The following PHYHD1 variants were observed in gnomAD, a reference collection of about 807,000 sequenced individuals.
The protein encoded by PHYHD1 is phytanoyl-CoA dioxygenase domain-containing protein 1.
A neutral mutation model predicts 43.6 loss-of-function variants in PHYHD1; 42 were observed. The observed-to-expected ratio is 0.96, with a 90% CI of 0.75 to 1.25. The LOEUF (loss-of-function observed/expected upper bound fraction) is 1.25. Ranked by LOEUF, PHYHD1 falls within the 50% of genes most tolerant of loss-of-function variation. The pLI, the probability that PHYHD1 is intolerant of heterozygous loss-of-function variation, is 0.00. For missense variants in PHYHD1, 342 were observed against 370.8 expected, an observed-to-expected ratio of 0.92 and a Z score of 0.64; for synonymous variants, 139 against 143.6, an observed-to-expected ratio of 0.97 and a Z score of 0.23.
rs745782823 is a variant in PHYHD1, at chr9:128,940,400, C to T, written c.489C>T (p.Tyr163=). 1 of 1,614,208 alleles carries T rather than the reference C, an allele frequency of 6.2e-7. No homozygotes were observed. The highest frequency in any genetic ancestry group is 1.1e-5 in the South Asian group (1 of 91,084). ...CTCATCAGGACGCCTCCTTCCTGTACACGGAGCCCCTGGGCCGGGTGCTGG... is the reference window on the plus strand; with the variant it reads ...CTCATCAGGACGCCTCCTTCCTGTATACGGAGCCCCTGGGCCGGGTGCTGG... ...VSPHQDASFL[Y]TEPLGRVLGV... Residue 163 remains tyrosine, a synonymous_variant, in exon 10 of 13, where the codon TAC becomes TAT. Transcript: ENST00000372592.
In PHYHD1 at chr9:128,941,668, G is replaced by A. The variant is rs547056118; in HGVS notation, c.831G>A (p.Trp277Ter). 7 of 1,614,034 alleles carry A rather than the reference G, an allele frequency of 4.3e-6. No individual in the cohort carries two copies. The Admixed American group carries it at 8.3e-5, about 19-fold the overall frequency. Residue 277 changes from tryptophan (W) to a stop codon, truncating the protein, a stop_gained and splice_region_variant, in exon 13 of 13, where the codon TGG becomes TGA. Transcript: ENST00000372592. LOFTEE classifies it high-confidence loss of function. ...GTTGTTTCTCCTCTATCCTCTGCAG[G>A]CTCCAGCCAACAGCTGAACTGCCCT... is the stretch of plus-strand genomic sequence containing the variant. Reference protein sequence around the residue: ...ASGTTWSPENWLQPTAELPFP... With the variant: ...ASGTTWSPEN
At chr9:128,926,892 T>G (rs1245048557) in intron 3 of PHYHD1, 146 bp from the exon 4 acceptor site, 1 of 1,074,908 alleles carries the variant, frequency 9.3e-7, no homozygotes, top group Non-Finnish European at 1.4e-6. Context: ...TGCTCTTTGC[T>G]GGGTGCCAGA....
chr9:128,937,620 C>A, intron 8 of PHYHD1, 137 bp from the exon 9 acceptor site: 1 of 961,430 alleles, frequency 1.0e-6, no homozygotes, highest in South Asian at 1.5e-5. Flanking sequence ...ATGGTAGGTG[C>A]TCAGTAGCTG....
rs1564540372 is a variant in PHYHD1 at position 128,932,166 on chromosome 9, A to ATTAT, written c.193-1614_193-1613insATTT. Among the ~76,000 whole-genome samples, 79 of 122,672 alleles carry ATTAT rather than the reference A, an allele frequency of 6.4e-4. 3 individuals carry two copies. The highest frequency in any genetic ancestry group is 4.2e-3 in the Middle Eastern group (1 of 240). 80.5% of individuals were successfully genotyped at this position (122,672 alleles called of 152,430 possible). On this transcript the variant is annotated intron_variant, in intron 4 of 12. Coordinates refer to ENST00000372592, the MANE Select transcript of PHYHD1 (RefSeq NM_001100876.2). ...AGTCAGTTCTATTATTATTATTATT[A>ATTAT]TTGTTATTATTATTATTATTTTTTT...
chr9:128,921,022 T>C lies in PHYHD1; in HGVS notation c.-806T>C, dbSNP rs2131089284. ...TTTTGGGGAAGGCAGCAGCCGGTTTTTCAGAGCCAGCGAGTGGCCCTGCCA... is the reference window on the plus strand; with the variant it reads ...TTTTGGGGAAGGCAGCAGCCGGTTTCTCAGAGCCAGCGAGTGGCCCTGCCA... On this transcript the variant is annotated 5_prime_UTR_variant, in exon 1 of 13. Coordinates refer to ENST00000372592, the MANE Select transcript of PHYHD1 (RefSeq NM_001100876.2). 2 of 152,416 alleles carry C rather than the reference T, an allele frequency of 1.3e-5. No individual in the cohort carries two copies. The highest frequency in any genetic ancestry group is 3.4e-3 in the Middle Eastern group (1 of 294). The allele number at this position is 152,416 out of a possible 1,614,324, so 9.4% of individuals were successfully genotyped here. A position where few individuals can be genotyped will look rare whatever the true frequency, so the allele number is the denominator to read the frequency against.
At chr9:128,934,305 C>T (rs1364004389) in intron 6 of PHYHD1, among the ~76,000 whole-genome samples, 1 of 151,732 alleles carries the variant, frequency 6.6e-6, no homozygotes, top group Non-Finnish European at 1.5e-5. Context: ...AGGAGAATTG[C>T]TTGAACCTGG....
chr9:128,926,578 G>A (rs1260957887), intron 3 of PHYHD1, among the ~76,000 whole-genome samples: 2 of 111,744 alleles, frequency 1.8e-5, no homozygotes, highest in South Asian at 2.8e-4. Context: ...TTTTTTTTTC[G>A]AGGTGGAGTC....
At chr9:128,935,968 T>C (rs1435230022) in intron 6 of PHYHD1, among the ~76,000 whole-genome samples, 1 of 152,150 alleles carries the variant, frequency 6.6e-6, no homozygotes, top group African/African-American at 2.4e-5. Context: ...TTCAATCTTA[T>C]GTTTATGACA....
intron 9 of PHYHD1, among the ~76,000 whole-genome samples, chr9:128,938,395 T>C (rs1841478180): frequency 1.3e-5 from 2 of 152,062 alleles, no homozygotes; most frequent in Non-Finnish European, 2.9e-5. Context: ...CTTGAGCCAG[T>C]AGGGCTGCAT....
intron 3 of PHYHD1, 106 bp from the exon 4 acceptor site, chr9:128,926,932 C>A: frequency 1.3e-6 from 2 of 1,504,904 alleles, no homozygotes; most frequent in Non-Finnish European, 1.8e-6. Flanking sequence ...GACAGGGCAG[C>A]AAACAAGATA....
Position 128,922,302 on chromosome 9 carries a change from GCCCAGTGCCCTGAGCGTCT to G in PHYHD1, c.-19_-1del. On this transcript the variant is annotated 5_prime_UTR_variant, in exon 3 of 13. Transcript: ENST00000372592. The stretch of plus-strand genomic sequence containing the variant: ...CACCAGGAGGCCGCGCTTAGAAGCC[GCCCAGTGCCCTGAGCGTCT>G]CCATGGCCTGCCTGAGCCCCTCGCA... 6.4e-7 allele frequency: 1 copy of G among 1,550,894 alleles called. No individual in the cohort carries two copies. The highest frequency in any genetic ancestry group is 8.7e-7 in the Non-Finnish European group (1 of 1,147,062).
chr9:128,922,593 G>T (rs1841027308), intron 3 of PHYHD1, among the ~76,000 whole-genome samples: 1 of 152,162 alleles, frequency 6.6e-6, no homozygotes, highest in African/African-American at 2.4e-5. Context: ...GACCAAAAAC[G>T]AGAATAAGGC....
chr9:128,923,900 C>T (rs1340870308), intron 3 of PHYHD1, among the ~76,000 whole-genome samples: 5 of 151,674 alleles, frequency 3.3e-5, no homozygotes, highest in Non-Finnish European at 7.4e-5. Context: ...GGCGGATCAC[C>T]TGAGGTCAGG....
intron 6 of PHYHD1, 102 bp from the exon 7 acceptor site, chr9:128,936,346 A>G (rs1841421605): frequency 6.8e-7 from 1 of 1,468,330 alleles, no homozygotes; most frequent in East Asian, 2.5e-5. Context: ...CCTACAAAGT[A>G]AGTGAGAATG....
At position 128,937,868 on chromosome 9, in the gene PHYHD1, G is replaced by A. The variant is rs368087187; in HGVS notation, c.457+90G>A. On this transcript the variant is annotated intron_variant, in intron 9 of 12. Coordinates refer to ENST00000372592, the MANE Select transcript of PHYHD1 (RefSeq NM_001100876.2). ...TCAGATCTTCAGAAGGAGGGAAAGC[G>A]CTTGCTCCTGTCTGTTGTAGGAGCC... 1.2e-4 allele frequency: 195 copies of A among 1,600,290 alleles called. 1 individual carries two copies. Among genetic ancestry groups the A allele is most frequent in the Middle Eastern group, 9.2e-4 (5 of 5,464 alleles).
chr9:128,930,844 G>C (rs867501478), intron 4 of PHYHD1, among the ~76,000 whole-genome samples: 31 of 151,128 alleles, frequency 2.1e-4, no homozygotes, highest in Non-Finnish European at 2.5e-4. Flanking sequence ...AGCTACTCGG[G>C]AGGCTGAGGC....
At chr9:128,937,109 C>T (rs944166139) in intron 8 of PHYHD1, among the ~76,000 whole-genome samples, 2 of 151,606 alleles carry the variant, frequency 1.3e-5, no homozygotes, top group African/African-American at 2.4e-5. Flanking sequence ...AGCAAGGCTC[C>T]GTCTCAAAAA....
rs560834915 is a variant in PHYHD1, at chr9:128,921,914, A to G, written c.-159-16A>G. The G allele has an allele frequency of 1.5e-5, 3 of 202,742 alleles. No individual in the cohort carries two copies. Among genetic ancestry groups the G allele is most frequent in the Non-Finnish European group, 3.0e-5 (3 of 100,414 alleles). The allele number at this position is 202,742 out of a possible 1,614,324, so 12.6% of individuals were successfully genotyped here. On this transcript the variant is annotated splice_polypyrimidine_tract_variant and intron_variant, in intron 1 of 12. Coordinates refer to ENST00000372592, the MANE Select transcript of PHYHD1 (RefSeq NM_001100876.2). ...CGCACATCCCCCAGACCAACCCTGC[A>G]TCCCATTCTATCCAGATTGAGGCCT...
chr9:128,929,197 G>A (rs1384809477), intron 4 of PHYHD1, among the ~76,000 whole-genome samples: 1 of 152,064 alleles, frequency 6.6e-6, no homozygotes, highest in Non-Finnish European at 1.5e-5. Flanking sequence ...TGGGCATGGT[G>A]GTATATGCCT....
Sources: gnomAD v4.1 joint callset for allele counts (sites outside exome capture counted in the v4.1 genomes callset) on GRCh38, gnomAD v4.1.1 for gene constraint, MANE v1.5 for transcripts, NCBI Gene and HGNC (gene_info 2026-07-23, HGNC 2026-07-21) for gene names.